Variants in PCDH7 observed in about 807,000 individuals in gnomAD.
The protein encoded by PCDH7 is protocadherin-7.
In PCDH7, 17 loss-of-function variants were observed where a neutral mutation model predicts 58.9. That is an observed-to-expected ratio of 0.29 (90% CI 0.20 to 0.43). The LOEUF is 0.43. Ranked by LOEUF, PCDH7 falls within the 20% of genes least tolerant of loss-of-function variation. The pLI is 1.00. For missense variants in PCDH7, 1,274 were observed against 1,441.0 expected (o/e 0.88, Z 1.88); for synonymous variants, 664 against 616.4 (o/e 1.08, Z -1.14).
At chr4:31,133,178 G>A (rs1719197124) in intron 3 of PCDH7, among the ~76,000 whole-genome samples, 1 of 152,170 alleles carries the variant, frequency 6.6e-6, no homozygotes, top group African/African-American at 2.4e-5. Context: ...AAAGGTCTAG[G>A]TGTGAAAACA....
At chr4:30,857,006 G>C (rs572337674) in intron 1 of PCDH7, among the ~76,000 whole-genome samples, 1 of 151,934 alleles carries the variant, frequency 6.6e-6, no homozygotes, top group African/African-American at 2.4e-5. Flanking sequence ...TAGTGGTGGT[G>C]ACTCAACGTG....
chr4:30,908,253 A>AAAG (rs1553912066), intron 1 of PCDH7, among the ~76,000 whole-genome samples: 6 of 151,438 alleles, frequency 4.0e-5, no homozygotes, highest in Admixed American at 1.3e-4. Flanking sequence ...TAAAAAAAAA[A>AAAG]AAGAAGAAAA....
intron 1 of PCDH7, among the ~76,000 whole-genome samples, chr4:30,830,986 T>C (rs1729696131): frequency 6.6e-6 from 1 of 152,168 alleles, no homozygotes; most frequent in East Asian, 1.9e-4. Context: ...CTCTAGTCAC[T>C]TTTAATAGAG....
intron 1 of PCDH7, among the ~76,000 whole-genome samples, chr4:30,887,321 C>T (rs140179575): frequency 2.4e-3 from 364 of 152,192 alleles, no homozygotes; most frequent in African/African-American, 8.5e-3. Context: ...ACTTATAGCA[C>T]ATTAAGACCA....
chr4:31,102,472 C>T (rs59015823), intron 3 of PCDH7, among the ~76,000 whole-genome samples: 19 of 151,960 alleles, frequency 1.3e-4, no homozygotes, highest in Non-Finnish European at 2.1e-4. Flanking sequence ...CCTGTAATTC[C>T]AGCACTTTGG....
Position 30,920,291 on chromosome 4 carries a change from G to T in PCDH7, c.211G>T (p.Ala71Ser), listed in dbSNP as rs61748744. The change falls in exon 2 of 4, where the codon GCG becomes TCG. Residue 71 changes from alanine to serine, a missense_variant. By Grantham distance (99) the Ala-to-Ser change is moderately conservative (BLOSUM62 1). Coordinates refer to the PCDH7 transcript ENST00000509759. ...GAGTTCATCAGGGCCAAGACTGGGT[G>T]CGCTTCCACTCCCAGAGGACAACTA... 3.7e-3 allele frequency: 5,106 copies of T among 1,367,540 alleles called. 12 individuals are homozygous for T. Among genetic ancestry groups the T allele is most frequent in the Non-Finnish European group, 4.3e-3 (4,353 of 1,021,902 alleles). 84.7% of individuals were successfully genotyped at this position (1,367,540 alleles called of 1,614,324 possible).
At chr4:30,837,423 A>G (rs1387971988) in intron 1 of PCDH7, among the ~76,000 whole-genome samples, 3 of 152,048 alleles carry the variant, frequency 2.0e-5, no homozygotes, top group Admixed American at 1.3e-4. Context: ...GCAGCATTCC[A>G]GAGATAATTG....
At chr4:30,816,344 C>T (rs569927691) in intron 1 of PCDH7, among the ~76,000 whole-genome samples, 19 of 152,252 alleles carry the variant, frequency 1.2e-4, no homozygotes, top group Middle Eastern at 3.4e-3. Flanking sequence ...TACTTCTCTC[C>T]TGCAGTGATT....
intron 3 of PCDH7, among the ~76,000 whole-genome samples, chr4:31,013,250 A>G (rs1367768453): frequency 7.0e-6 from 1 of 142,902 alleles, no homozygotes; most frequent in Non-Finnish European, 1.6e-5. Context: ...GGATGCACAC[A>G]TGGAAGTATT....
intron 3 of PCDH7, among the ~76,000 whole-genome samples, chr4:31,110,599 A>G (rs1034279246): frequency 1.2e-4 from 19 of 152,180 alleles, no homozygotes; most frequent in Admixed American, 2.0e-4. Context: ...ATGGCTTTGG[A>G]TATCAGAGAA....
chr4:31,116,971 G>A lies in PCDH7; in HGVS notation c.*8-25502G>A, dbSNP rs549044762. Reference sequence around the variant, plus strand: ...CCGCCTCAGACTCCTGAGTAGCTGGGATTACAGGCATGTGCCACCACATCT... The same window carrying A: ...CCGCCTCAGACTCCTGAGTAGCTGGAATTACAGGCATGTGCCACCACATCT... On this transcript the variant is annotated intron_variant, in intron 3 of 3. Transcript: ENST00000509759. Among the ~76,000 whole-genome samples the A allele has an allele frequency of 2.0e-5, 3 of 152,244 alleles. No homozygotes were observed. In the East Asian group the frequency reaches 5.8e-4, roughly 29 times the overall value.
At chr4:30,934,758 G>A (rs1032783206) in intron 2 of PCDH7, among the ~76,000 whole-genome samples, 2 of 151,976 alleles carry the variant, frequency 1.3e-5, no homozygotes, top group Admixed American at 1.3e-4. Flanking sequence ...AATATTTTCA[G>A]TTTTAAAAAG....
rs1002439006 is a variant in PCDH7, at chr4:30,981,082, T to A, written c.*7+30867T>A. Among the ~76,000 whole-genome samples, 3 of 152,198 alleles carry A rather than the reference T, an allele frequency of 2.0e-5. 1 individual carries two copies. Among genetic ancestry groups the A allele is most frequent in the African/African-American group, 7.2e-5 (3 of 41,446 alleles). Reference sequence around the variant, plus strand: ...TGGTCTTGAACTCCTGACCTTGTGATCCACCCGCCTTGGCCTCCCAAAGTG... The same window carrying A: ...TGGTCTTGAACTCCTGACCTTGTGAACCACCCGCCTTGGCCTCCCAAAGTG... On this transcript the variant is annotated intron_variant, in intron 3 of 3. Transcript: ENST00000509759.
intron 1 of PCDH7, among the ~76,000 whole-genome samples, chr4:30,917,130 A>G (rs1742580512): frequency 6.6e-6 from 1 of 152,182 alleles, no homozygotes; most frequent in Admixed American, 6.6e-5. Context: ...ATATTGTGTC[A>G]TAACCTTTGC....
intron 1 of PCDH7, among the ~76,000 whole-genome samples, chr4:30,906,613 G>T (rs1209337147): frequency 6.6e-6 from 1 of 152,154 alleles, no homozygotes; most frequent in African/African-American, 2.4e-5. Context: ...AACTATAAAT[G>T]TTGAAACAAT....
chr4:30,772,953 G>A (rs1441057476), intron 1 of PCDH7, among the ~76,000 whole-genome samples: 1 of 152,086 alleles, frequency 6.6e-6, no homozygotes, highest in African/African-American at 2.4e-5. Context: ...CCAGGCTGCA[G>A]TGCAGTAGCA....
At chr4:30,997,681 A>G (rs978407172) in intron 3 of PCDH7, among the ~76,000 whole-genome samples, 3 of 152,154 alleles carry the variant, frequency 2.0e-5, no homozygotes, top group African/African-American at 7.2e-5. Flanking sequence ...CATGCAGACA[A>G]TGTTGAACTC....
chr4:30,757,427 A>G (rs1719449580), intron 1 of PCDH7, among the ~76,000 whole-genome samples: 1 of 152,150 alleles, frequency 6.6e-6, no homozygotes. Flanking sequence ...ATCAATCTGC[A>G]TTTTCTGACT....
intron 1 of PCDH7, among the ~76,000 whole-genome samples, chr4:30,804,574 T>C (rs1170695246): frequency 6.6e-6 from 1 of 151,870 alleles, no homozygotes; most frequent in African/African-American, 2.4e-5. Context: ...AGGTATATTT[T>C]GAAATGAGTT....
Sources: gnomAD v4.1 joint callset for allele counts (sites outside exome capture counted in the v4.1 genomes callset) on GRCh38, gnomAD v4.1.1 for gene constraint, MANE v1.5 for transcripts, NCBI Gene and HGNC (gene_info 2026-07-23, HGNC 2026-07-21) for gene names.